Variants in ZNF618 observed in about 807,000 individuals in gnomAD.
ZNF618 encodes neural precursor cell expressed, developmentally down-regulated 10.
ZNF618 carries 34 observed loss-of-function variants against 103.0 expected under a neutral mutation model. The observed-to-expected ratio is 0.33, with a 90% CI of 0.25 to 0.44. ZNF618 has a LOEUF of 0.44. Ranked by LOEUF, ZNF618 falls within the 20% of genes least tolerant of loss-of-function variation. The probability of loss-of-function intolerance (pLI) is 1.00; values close to 1 mark genes in which losing one functional copy is unlikely to be tolerated. For missense variants in ZNF618, 1,059 were observed against 1,295.4 expected, an observed-to-expected ratio of 0.82 and a Z score of 2.80; for synonymous variants, 551 against 542.2, an observed-to-expected ratio of 1.02 and a Z score of -0.23.
chr9:114,022,557 C>T (rs1384301681), intron 10 of ZNF618, among the ~76,000 whole-genome samples: 2 of 140,976 alleles, frequency 1.4e-5, no homozygotes, highest in Non-Finnish European at 3.0e-5. Flanking sequence ...AGTTTTATGA[C>T]CTACCTTATG....
intron 1 of ZNF618, among the ~76,000 whole-genome samples, chr9:113,929,789 A>T (rs1341252395): frequency 1.3e-5 from 2 of 152,164 alleles, no homozygotes; most frequent in Non-Finnish European, 2.9e-5. Flanking sequence ...TTGTTACCCG[A>T]GATAAGGAAA....
At chr9:113,967,823 G>A (rs1837557724) in intron 1 of ZNF618, among the ~76,000 whole-genome samples, 1 of 152,208 alleles carries the variant, frequency 6.6e-6, no homozygotes, top group East Asian at 1.9e-4. Context: ...GGAGGATGGA[G>A]GCTGTGGAGA....
At chr9:113,970,665 G>A (rs1837870581) in intron 2 of ZNF618, among the ~76,000 whole-genome samples, 1 of 151,898 alleles carries the variant, frequency 6.6e-6, no homozygotes, top group Non-Finnish European at 1.5e-5. Flanking sequence ...CATGATGAAT[G>A]CCCTTTCATC....
At chr9:113,975,292 A>G (rs574790536) in intron 2 of ZNF618, among the ~76,000 whole-genome samples, 1 of 152,340 alleles carries the variant, frequency 6.6e-6, no homozygotes, top group East Asian at 1.9e-4. Flanking sequence ...ATAGACTTAT[A>G]TGGAGTCACC....
chr9:113,970,716 C>T (rs1299333310), intron 2 of ZNF618, among the ~76,000 whole-genome samples: 1 of 151,748 alleles, frequency 6.6e-6, no homozygotes, highest in Admixed American at 6.6e-5. Context: ...GGAAGCTTTC[C>T]CTGACCCTCC....
At chr9:114,022,572 C>G (rs1387488317) in intron 10 of ZNF618, among the ~76,000 whole-genome samples, 3 of 122,884 alleles carry the variant, frequency 2.4e-5, no homozygotes, top group African/African-American at 9.4e-5. Context: ...CTTATGGTCT[C>G]TTCTGCTGCG....
At chr9:113,944,300 CAG>C (rs1224423072) in intron 1 of ZNF618, among the ~76,000 whole-genome samples, 5 of 152,036 alleles carry the variant, frequency 3.3e-5, no homozygotes, top group African/African-American at 1.2e-4. Context: ...TTTTTTGAGA[CAG>C]AGTCTTGCTC....
chr9:114,032,287 C>T (rs921226485), intron 11 of ZNF618, among the ~76,000 whole-genome samples: 4 of 152,156 alleles, frequency 2.6e-5, no homozygotes, highest in Admixed American at 6.5e-5. Flanking sequence ...GAGTGGTGGG[C>T]GGTAGATCCA....
chr9:114,001,796 A>G (rs1487264475), intron 4 of ZNF618, among the ~76,000 whole-genome samples, 200 bp from the exon 5 acceptor site: 2 of 152,104 alleles, frequency 1.3e-5, no homozygotes, highest in Non-Finnish European at 2.9e-5. Flanking sequence ...TGCCTTGCCC[A>G]AGGTCACCCA....
intron 2 of ZNF618, among the ~76,000 whole-genome samples, chr9:113,987,814 A>G (rs1160127072): frequency 6.6e-6 from 1 of 152,142 alleles, no homozygotes; most frequent in Non-Finnish European, 1.5e-5. Flanking sequence ...CCTGCGCAAC[A>G]TAGTGAGACC....
intron 9 of ZNF618, among the ~76,000 whole-genome samples, chr9:114,014,032 A>G (rs941388016): frequency 2.0e-5 from 3 of 152,226 alleles, no homozygotes; most frequent in African/African-American, 7.2e-5. Flanking sequence ...ACTATTAACA[A>G]TTAGAGAAAT....
chr9:113,889,481 C>A (rs1448483246), intron 1 of ZNF618, among the ~76,000 whole-genome samples: 5 of 152,216 alleles, frequency 3.3e-5, no homozygotes, highest in Non-Finnish European at 7.3e-5. Context: ...GCAGCCTCAC[C>A]TGTTATGACT....
intron 10 of ZNF618, among the ~76,000 whole-genome samples, chr9:114,026,244 G>C (rs759113919): frequency 6.6e-6 from 1 of 152,246 alleles, no homozygotes; most frequent in Non-Finnish European, 1.5e-5. Context: ...TAGGATATGA[G>C]AAGGCAAGGA....
intron 1 of ZNF618, among the ~76,000 whole-genome samples, chr9:113,904,129 T>A (rs1830780445): frequency 2.0e-5 from 3 of 151,690 alleles, no homozygotes; most frequent in Admixed American, 2.0e-4. Flanking sequence ...TTGTTAATAA[T>A]TATTGCTGTC....
At chr9:113,904,737 A>G (rs1830837507) in intron 1 of ZNF618, among the ~76,000 whole-genome samples, 1 of 152,168 alleles carries the variant, frequency 6.6e-6, no homozygotes, top group South Asian at 2.1e-4. Context: ...TTCCCTTTCC[A>G]ACCTTTAGAG....
chr9:114,002,061 C>T lies in ZNF618; in HGVS notation c.499C>T (p.Arg167Trp), dbSNP rs1335676157. ...TTACAACTGCTTCCAGACCCACGTG[C>T]GGGCGCACCGAGGTGAGAGGAGTGT... ...KYYNCFQTHV[R>W]AHRDTEATSG... Residue 167 changes from arginine (R) to tryptophan (W), a missense_variant, in exon 5 of 15, where the codon CGG becomes TGG. Around this residue, in one of 6 missense-constraint regions of ZNF618, gnomAD observed 434 missense variants for 476.0 expected, o/e 0.91. Transcript: ENST00000374126. 4.3e-6 allele frequency: 7 copies of T among 1,613,166 alleles called. No homozygotes were observed. The highest frequency in any genetic ancestry group is 3.3e-5 in the South Asian group (3 of 91,078).
intron 1 of ZNF618, among the ~76,000 whole-genome samples, chr9:113,904,096 C>T (rs1830776832): frequency 6.8e-6 from 1 of 146,670 alleles, no homozygotes; most frequent in African/African-American, 2.5e-5. Flanking sequence ...CCTATTTTTT[C>T]CATCTTTTAT....
intron 1 of ZNF618, among the ~76,000 whole-genome samples, chr9:113,887,490 G>A (rs1259326235): frequency 6.6e-6 from 1 of 152,150 alleles, no homozygotes; most frequent in Non-Finnish European, 1.5e-5. Flanking sequence ...TTTGGATCAG[G>A]TTGCAGTTCT....
intron 1 of ZNF618, among the ~76,000 whole-genome samples, chr9:113,880,551 G>A (rs1211633932): frequency 1.3e-5 from 2 of 152,238 alleles, no homozygotes; most frequent in African/African-American, 2.4e-5. Context: ...GTAAATCAGA[G>A]TGGAGAGTGT....
Sources: allele counts gnomAD v4.1 joint callset (sites outside exome capture counted in the v4.1 genomes callset), GRCh38; gene constraint gnomAD v4.1.1; regional missense constraint gnomAD v4.1.1; transcripts MANE v1.5; gene names NCBI Gene and HGNC (gene_info 2026-07-23, HGNC 2026-07-21).